The following ELAVL2 variants were observed in gnomAD, a reference collection of about 807,000 sequenced individuals.
ELAVL2 encodes ELAV-like protein 2.
ELAVL2 carries 4 observed loss-of-function variants against 34.6 expected under a neutral mutation model. The ratio of observed to expected loss-of-function variants is 0.12; its 90% CI spans 0.06 to 0.26. ELAVL2 has a LOEUF of 0.26. ELAVL2 is among the 10% of genes least tolerant of loss of function. The pLI is 1.00. For missense variants in ELAVL2, 432 were observed against 442.8 expected (o/e 0.98, Z 0.22); for synonymous variants, 193 against 154.8 (o/e 1.25, Z -1.83).
chr9:23,722,562 T>C (rs987040849), intron 3 of ELAVL2, among the ~76,000 whole-genome samples: 1 of 152,094 alleles, frequency 6.6e-6, no homozygotes. Context: ...ACAAAGACAC[T>C]CAAAGGCCCA....
chr9:23,819,474 A>C (rs1199085808), intron 1 of ELAVL2, among the ~76,000 whole-genome samples: 1 of 152,214 alleles, frequency 6.6e-6, no homozygotes, highest in Non-Finnish European at 1.5e-5. Flanking sequence ...TACTTGCTCT[A>C]AACAAGAAGC....
intron 1 of ELAVL2, among the ~76,000 whole-genome samples, chr9:23,815,082 T>TA (rs1207426220): frequency 6.6e-6 from 1 of 152,202 alleles, no homozygotes; most frequent in African/African-American, 2.4e-5. Flanking sequence ...TATTTCTATG[T>TA]AAACTCCATT....
chr9:23,778,987 T>A (rs1288364392), intron 1 of ELAVL2, among the ~76,000 whole-genome samples: 1 of 152,126 alleles, frequency 6.6e-6, no homozygotes, highest in African/African-American at 2.4e-5. Flanking sequence ...TCAAACCTAA[T>A]CAAATATTTT....
chr9:23,781,270 A>C lies in ELAVL2; in HGVS notation c.-15-19021T>G, dbSNP rs577115400. 2.6e-5 allele frequency among the ~76,000 whole-genome samples: 4 copies of C among 152,324 alleles called. No homozygotes were observed. The South Asian group carries it at 8.3e-4, about 32-fold the overall frequency. On this transcript the variant is annotated intron_variant, in intron 1 of 6. Transcript: ENST00000397312. ...TCTGCTTTCATGCTCTCCTAAAAAC[A>C]CATCTTTAATTTATGGTAAGGTCAA... is the stretch of plus-strand genomic sequence containing the variant.
At chr9:23,811,289 A>G (rs2062953650) in intron 1 of ELAVL2, among the ~76,000 whole-genome samples, 1 of 152,148 alleles carries the variant, frequency 6.6e-6, no homozygotes, top group African/African-American at 2.4e-5. Flanking sequence ...CACTAAATCA[A>G]AAAGGTAACG....
chr9:23,722,417 G>C (rs1210171737), intron 3 of ELAVL2, among the ~76,000 whole-genome samples: 1 of 152,182 alleles, frequency 6.6e-6, no homozygotes, highest in South Asian at 2.1e-4. Context: ...ATGACCTCCA[G>C]ATCCAGTTTT....
intron 1 of ELAVL2, among the ~76,000 whole-genome samples, chr9:23,824,352 G>A (rs1195610976): frequency 6.6e-6 from 1 of 152,142 alleles, no homozygotes; most frequent in Admixed American, 6.5e-5. Flanking sequence ...CTCGTCCGCC[G>A]CGGAGCTCCA....
intron 5 of ELAVL2, among the ~76,000 whole-genome samples, chr9:23,699,608 G>A (rs1016148116): frequency 6.6e-6 from 1 of 152,004 alleles, no homozygotes; most frequent in East Asian, 1.9e-4. Flanking sequence ...CTTCAGGCTT[G>A]TTCATCCTAC....
At chr9:23,708,626 A>G (rs2040066648) in intron 3 of ELAVL2, among the ~76,000 whole-genome samples, 1 of 152,198 alleles carries the variant, frequency 6.6e-6, no homozygotes. Context: ...TGTTGCTAGA[A>G]ATTAGTTAAA....
intron 2 of ELAVL2, among the ~76,000 whole-genome samples, chr9:23,738,457 T>C (rs2048395334): frequency 6.6e-6 from 1 of 152,182 alleles, no homozygotes. Flanking sequence ...GGAGGACTGG[T>C]GAGATCCTAT....
intron 1 of ELAVL2, among the ~76,000 whole-genome samples, chr9:23,769,873 T>C (rs59806860): frequency 1.1e-3 from 166 of 152,332 alleles, no homozygotes; most frequent in African/African-American, 3.8e-3. Flanking sequence ...GGTTTTGTAG[T>C]TTCAGAGCTG....
chr9:23,706,114 C>T (rs1048009239), intron 3 of ELAVL2, among the ~76,000 whole-genome samples: 1 of 152,164 alleles, frequency 6.6e-6, no homozygotes, highest in Non-Finnish European at 1.5e-5. Context: ...GTCTTTTTAA[C>T]CTTGATTTTC....
chr9:23,698,041 A>G (rs1383088536), intron 5 of ELAVL2, among the ~76,000 whole-genome samples: 1 of 152,186 alleles, frequency 6.6e-6, no homozygotes, highest in African/African-American at 2.4e-5. Flanking sequence ...GGAAATTGTG[A>G]TAATGCAACC....
intron 2 of ELAVL2, among the ~76,000 whole-genome samples, 162 bp from the exon 3 acceptor site, chr9:23,731,287 C>A (rs2046467193): frequency 6.6e-6 from 1 of 152,008 alleles, no homozygotes. Flanking sequence ...GTCTTTATGT[C>A]TCCTGTCTAC....
At chr9:23,766,492 G>C (rs1037485307) in intron 1 of ELAVL2, among the ~76,000 whole-genome samples, 1 of 152,026 alleles carries the variant, frequency 6.6e-6, no homozygotes, top group Non-Finnish European at 1.5e-5. Context: ...ACATAAAACA[G>C]ATTTTAATTT....
chr9:23,820,826 C>G (rs929083328), intron 1 of ELAVL2, among the ~76,000 whole-genome samples: 11 of 152,240 alleles, frequency 7.2e-5, no homozygotes, highest in African/African-American at 2.4e-4. Flanking sequence ...AATCCCAGAG[C>G]CGGCCTCGCC....
At chr9:23,739,091 C>T (rs386470923) in intron 2 of ELAVL2, among the ~76,000 whole-genome samples, 49 of 151,610 alleles carry the variant, frequency 3.2e-4, no homozygotes, top group Non-Finnish European at 5.3e-4. Context: ...AAGTATTACA[C>T]CGGGTACACA....
At chr9:23,698,484 A>G (rs980849331) in intron 5 of ELAVL2, among the ~76,000 whole-genome samples, 2 of 152,220 alleles carry the variant, frequency 1.3e-5, no homozygotes, top group Non-Finnish European at 2.9e-5. Context: ...ATGATTATTA[A>G]AAGTATTCTT....
At chr9:23,806,299 A>G (rs1466195618) in intron 1 of ELAVL2, among the ~76,000 whole-genome samples, 1 of 152,142 alleles carries the variant, frequency 6.6e-6, no homozygotes, top group African/African-American at 2.4e-5. Context: ...CAGCATATAT[A>G]ATTTTAATCT....
Sources: gnomAD v4.1 joint callset for allele counts (sites outside exome capture counted in the v4.1 genomes callset) on GRCh38, gnomAD v4.1.1 for gene constraint, MANE v1.5 for transcripts, NCBI Gene and HGNC (gene_info 2026-07-23, HGNC 2026-07-21) for gene names.